IP6K3: variants seen among roughly 807,000 people sequenced by gnomAD.
IP6K3 encodes the protein inositol hexakisphosphate kinase 3.
IP6K3 carries 20 observed loss-of-function variants against 28.8 expected under a neutral mutation model. The observed-to-expected ratio is 0.70, with a 90% CI of 0.49 to 1.01. The LOEUF (loss-of-function observed/expected upper bound fraction) is 1.01. Ranked by LOEUF, IP6K3 falls within the 50% of genes least tolerant of loss-of-function variation. The pLI, the probability that IP6K3 is intolerant of heterozygous loss-of-function variation, is 0.00. For missense variants in IP6K3, 480 were observed against 537.1 expected (o/e 0.89, Z 1.05); for synonymous variants, 213 against 221.3 (o/e 0.96, Z 0.33).
chr6:33,732,226 C>T (rs144331713), intron 2 of IP6K3, among the ~76,000 whole-genome samples: 152 of 152,306 alleles, frequency 1.0e-3, no homozygotes, highest in South Asian at 1.9e-3. Flanking sequence ...AGGTCCCAGG[C>T]GAACTCTGAC....
chr6:33,725,487 G>T lies in IP6K3; in HGVS notation c.719C>A (p.Ala240Glu), dbSNP rs144789373. The T allele has an allele frequency of 5.0e-4, 800 of 1,613,488 alleles. 1 individual carries two copies. In the Middle Eastern group the frequency reaches 6.6e-3, roughly 13 times the overall value. ...ACCCAGGCAGGCTGAGGTGCTCTGC[G>T]CACACTTCCTCATGTGGCGGGCCTT... ...EKKARHMRKC[A>E]QSTSACLGVR... Residue 240 changes from alanine to glutamate, a missense_variant, in exon 5 of 6, where the codon GCG becomes GAG. Physicochemically the swap from Ala to Glu is moderately radical, Grantham distance 107 (BLOSUM62 -1). Coordinates refer to ENST00000293756, the MANE Select transcript of IP6K3 (RefSeq NM_054111.5).
At chr6:33,749,262 C>A (rs1002045117), upstream of IP6K3, among the ~76,000 whole-genome samples, 4 of 152,098 alleles carry the variant, frequency 2.6e-5, no homozygotes, top group African/African-American at 9.7e-5. Flanking sequence ...TTGTAAAGAG[C>A]AAGGTTCCAT....
At chr6:33,759,941 C>T in the IP6K3 span, among the ~76,000 whole-genome samples, 1 of 151,946 alleles carries the variant, frequency 6.6e-6, no homozygotes, top group Non-Finnish European at 1.5e-5. Flanking sequence ...CCAATGTGGA[C>T]CCCCCACCTT....
intron 1 of IP6K3, among the ~76,000 whole-genome samples, chr6:33,741,542 A>G (rs1160764950): frequency 2.1e-5 from 3 of 144,862 alleles, no homozygotes; most frequent in Non-Finnish European, 3.0e-5. Flanking sequence ...GCTACTCGGG[A>G]GGCTGAGGCA....
chr6:33,757,206 C>T, the IP6K3 span, among the ~76,000 whole-genome samples: 1 of 152,224 alleles, frequency 6.6e-6, no homozygotes, highest in African/African-American at 2.4e-5. Flanking sequence ...CTCACCTCCC[C>T]ACCTGCTCCC....
chr6:33,749,136 A>G (rs1047138568), upstream of IP6K3, among the ~76,000 whole-genome samples: 8 of 152,068 alleles, frequency 5.3e-5, no homozygotes, highest in African/African-American at 1.9e-4. Flanking sequence ...TTCAGGTTCT[A>G]GAGGGGGAAG....
Position 33,735,667 on chromosome 6 carries a change from G to T in IP6K3, c.-179-12C>A. On this transcript the variant is annotated splice_polypyrimidine_tract_variant and intron_variant, in intron 1 of 5. Coordinates refer to ENST00000293756, the MANE Select transcript of IP6K3 (RefSeq NM_054111.5). ...CTCAGCGGGGTCCTCTGGAAAGCAG[G>T]GGAGGAAGGAGGAAGTTATATGAGG... 7.2e-7 allele frequency: 1 copy of T among 1,386,422 alleles called. No individual in the cohort carries two copies. The highest frequency in any genetic ancestry group is 9.5e-7 in the Non-Finnish European group (1 of 1,056,758). The allele number at this position is 1,386,422 out of a possible 1,614,324, so 85.9% of individuals were successfully genotyped here.
chr6:33,761,284 C>T, the IP6K3 span, among the ~76,000 whole-genome samples: 7 of 152,038 alleles, frequency 4.6e-5, no homozygotes, highest in Non-Finnish European at 8.8e-5. Flanking sequence ...GCCAGGGACC[C>T]ATGCCCTCTC....
At chr6:33,753,284 G>A in the IP6K3 span, among the ~76,000 whole-genome samples, 1 of 152,198 alleles carries the variant, frequency 6.6e-6, no homozygotes, top group African/African-American at 2.4e-5. Flanking sequence ...CTTTCTAACT[G>A]TGATTTCGGA....
At chr6:33,754,653 G>A in the IP6K3 span, among the ~76,000 whole-genome samples, 83 of 152,260 alleles carry the variant, frequency 5.5e-4, no homozygotes, top group South Asian at 1.9e-3. Flanking sequence ...GGTGGTCAGG[G>A]AATTTGTTCT....
chr6:33,745,249 C>T (rs1766864830), intron 1 of IP6K3, among the ~76,000 whole-genome samples: 1 of 152,206 alleles, frequency 6.6e-6, no homozygotes, highest in African/African-American at 2.4e-5. Flanking sequence ...TTTATTCAGG[C>T]TCTGTGGAGG....
chr6:33,741,760 T>C (rs1265928861), intron 1 of IP6K3, among the ~76,000 whole-genome samples: 1 of 149,540 alleles, frequency 6.7e-6, no homozygotes, highest in African/African-American at 2.5e-5. Context: ...GAGACCAGCC[T>C]GACCAACATG....
rs140887508 is a variant in IP6K3, at chr6:33,726,824, C to T, written c.496G>A (p.Val166Ile). 4 of 1,613,540 alleles carry T rather than the reference C, an allele frequency of 2.5e-6. No individual in the cohort carries two copies. In the African/African-American group the frequency reaches 4.0e-5, roughly 16 times the overall value. ...SLVEDTNGNQ[V>I]ERKSFNPWGL... is the part of the protein sequence containing the mutation. ...CACGGGTTGAAGCTCTTCCTCTCAA[C>T]CTGGTTTCCGTTGGTGTCTTCCACC... The change falls in exon 4 of 6, where the codon GTT becomes ATT. Residue 166 changes from valine (V) to isoleucine (I), a missense_variant. Coordinates refer to ENST00000293756, the MANE Select transcript of IP6K3 (RefSeq NM_054111.5).
chr6:33,760,316 C>T, the IP6K3 span, among the ~76,000 whole-genome samples: 95 of 152,312 alleles, frequency 6.2e-4, no homozygotes, highest in South Asian at 1.7e-3. Context: ...TCTTATGTTT[C>T]CCAGGTTCCA....
chr6:33,740,447 G>C (rs1360281073), intron 1 of IP6K3, among the ~76,000 whole-genome samples: 1 of 152,244 alleles, frequency 6.6e-6, no homozygotes, highest in East Asian at 1.9e-4. Flanking sequence ...GCCCTGGGCT[G>C]TCTGTGCCAG....
intron 1 of IP6K3, among the ~76,000 whole-genome samples, chr6:33,737,292 C>T (rs1282481972): frequency 6.6e-6 from 1 of 152,054 alleles, no homozygotes; most frequent in Non-Finnish European, 1.5e-5. Context: ...CCTGTTCGTC[C>T]TGTCCTGAGA....
intron 1 of IP6K3, among the ~76,000 whole-genome samples, chr6:33,745,950 G>T (rs1766892991): frequency 6.6e-6 from 1 of 152,156 alleles, no homozygotes; most frequent in Admixed American, 6.5e-5. Flanking sequence ...CATAATAAAA[G>T]GTTAAAAAAT....
Position 33,735,319 on chromosome 6 carries a change from G to C in IP6K3, c.158C>G (p.Ser53Cys). Residue 53 changes from serine to cysteine, a missense_variant, in exon 2 of 6, where the codon TCC (serine) becomes TGC (cysteine). Coordinates refer to ENST00000293756, the MANE Select transcript of IP6K3 (RefSeq NM_054111.5). Reference sequence around the variant, plus strand: ...GAACCGCTTCATGGCCAGCGGCAGGGATTCATAGAACCTCTGCTCCCGGGA... The same window carrying C: ...GAACCGCTTCATGGCCAGCGGCAGGCATTCATAGAACCTCTGCTCCCGGGA... Reference protein sequence around the residue: ...LVSREQRFYESLPLAMKRFTP... With the variant: ...LVSREQRFYECLPLAMKRFTP... 1 of 1,610,836 alleles carries C rather than the reference G, an allele frequency of 6.2e-7. No individual in the cohort carries two copies. The highest frequency in any genetic ancestry group is 8.5e-7 in the Non-Finnish European group (1 of 1,178,658).
chr6:33,739,230 G>A (rs2127361985), intron 1 of IP6K3: 1 of 152,238 alleles, frequency 6.6e-6, no homozygotes, highest in East Asian at 1.9e-4. Context: ...GACTTGGACG[G>A]ATTGGCAGCG....
Sources: allele counts gnomAD v4.1 joint callset (sites outside exome capture counted in the v4.1 genomes callset), GRCh38; gene constraint gnomAD v4.1.1; transcripts MANE v1.5; gene names NCBI Gene and HGNC (gene_info 2026-07-23, HGNC 2026-07-21).